The following MKLN1 variants were observed in gnomAD, a reference collection of about 807,000 sequenced individuals.
The protein encoded by MKLN1 is muskelin 1, also known as muskelin.
In MKLN1, 18 loss-of-function variants were observed where a neutral mutation model predicts 99.0. The ratio of observed to expected loss-of-function variants is 0.18; its 90% CI spans 0.13 to 0.27. The LOEUF is 0.27. Ranked by LOEUF, MKLN1 falls within the 10% of genes least tolerant of loss-of-function variation. The pLI is 1.00. For missense variants in MKLN1, 621 were observed against 875.9 expected, an observed-to-expected ratio of 0.71 and a Z score of 3.67; for synonymous variants, 288 against 293.2, an observed-to-expected ratio of 0.98 and a Z score of 0.18.
At chr7:131,458,999 A>C (rs1010481321) in intron 12 of MKLN1, among the ~76,000 whole-genome samples, 1 of 152,250 alleles carries the variant, frequency 6.6e-6, no homozygotes, top group Non-Finnish European at 1.5e-5. Flanking sequence ...TGATTTAATC[A>C]AAGTTTTACG....
chr7:131,182,867 A>C (rs965984485), intron 2 of MKLN1, among the ~76,000 whole-genome samples: 1 of 152,338 alleles, frequency 6.6e-6, no homozygotes, highest in South Asian at 2.1e-4. Flanking sequence ...GCAGCACAAG[A>C]AAGGCTCTGA....
intron 1 of MKLN1, among the ~76,000 whole-genome samples, chr7:131,333,459 C>G (rs889079625): frequency 6.6e-6 from 1 of 151,934 alleles, no homozygotes; most frequent in African/African-American, 2.4e-5. Flanking sequence ...GACATTTAGG[C>G]TTTGTGGTTT....
intron 2 of MKLN1, among the ~76,000 whole-genome samples, chr7:131,170,074 G>A (rs1472243715): frequency 1.3e-5 from 2 of 152,126 alleles, no homozygotes; most frequent in Admixed American, 1.3e-4. Context: ...TAACACAGCA[G>A]ACCCTATCTT....
At chr7:131,145,073 T>TC (rs952864844) in intron 2 of MKLN1, among the ~76,000 whole-genome samples, 1 of 152,134 alleles carries the variant, frequency 6.6e-6, no homozygotes, top group Non-Finnish European at 1.5e-5. Flanking sequence ...ATCTGCTTTT[T>TC]CCCCGAACAC....
At chr7:131,172,599 G>A (rs1584807336) in intron 2 of MKLN1, among the ~76,000 whole-genome samples, 1 of 152,178 alleles carries the variant, frequency 6.6e-6, no homozygotes. Context: ...ACAGGCGTGA[G>A]CCACCGTGCC....
At chr7:131,287,016 C>T (rs916589378) in intron 3 of MKLN1, among the ~76,000 whole-genome samples, 11 of 152,250 alleles carry the variant, frequency 7.2e-5, no homozygotes, top group Admixed American at 4.6e-4. Context: ...ATGGGAGGAT[C>T]GATTGAGCCC....
chr7:131,338,255 G>C (rs1260877978), intron 1 of MKLN1, among the ~76,000 whole-genome samples: 1 of 152,180 alleles, frequency 6.6e-6, no homozygotes, highest in African/African-American at 2.4e-5. Flanking sequence ...TGTCACATTT[G>C]TTCTTCTGTG....
intron 1 of MKLN1, among the ~76,000 whole-genome samples, chr7:131,118,576 A>AAAAG (rs1795314017): frequency 1.2e-4 from 18 of 151,968 alleles, no homozygotes; most frequent in Admixed American, 1.2e-3. Context: ...AGAAAGAAAG[A>AAAAG]AAAGAAAGAA....
chr7:131,420,867 T>G (rs531223030), intron 8 of MKLN1, among the ~76,000 whole-genome samples: 1 of 152,336 alleles, frequency 6.6e-6, no homozygotes, highest in Non-Finnish European at 1.5e-5. Context: ...GTTTTAAAAT[T>G]CATTTTCCTT....
At chr7:131,253,586 G>A (rs1251178228) in intron 3 of MKLN1, among the ~76,000 whole-genome samples, 1 of 152,122 alleles carries the variant, frequency 6.6e-6, no homozygotes, top group Non-Finnish European at 1.5e-5. Flanking sequence ...AGAGACCACT[G>A]CCCACACCCA....
At chr7:131,281,934 G>A (rs925616088) in intron 3 of MKLN1, among the ~76,000 whole-genome samples, 2 of 152,018 alleles carry the variant, frequency 1.3e-5, no homozygotes, top group Non-Finnish European at 2.9e-5. Flanking sequence ...CAGCCTCCCA[G>A]AGTGCTGGGA....
At chr7:131,138,524 C>A (rs1406090282) in intron 1 of MKLN1, among the ~76,000 whole-genome samples, 3 of 152,062 alleles carry the variant, frequency 2.0e-5, no homozygotes, top group African/African-American at 4.8e-5. Flanking sequence ...AGTGTTGTTA[C>A]TGTAAATTAG....
At chr7:131,275,567 A>ATATAT (rs1336398554) in intron 3 of MKLN1, among the ~76,000 whole-genome samples, 1 of 5,618 alleles carries the variant, frequency 1.8e-4, no homozygotes, top group African/African-American at 4.0e-4. Flanking sequence ...ATATATATAT[A>ATATAT]TTTTTTTTTT....
intron 3 of MKLN1, among the ~76,000 whole-genome samples, chr7:131,252,928 A>G (rs1388373194): frequency 6.6e-6 from 1 of 152,164 alleles, no homozygotes; most frequent in Non-Finnish European, 1.5e-5. Flanking sequence ...TGATTTTTCA[A>G]CCAACCTTGG....
intron 3 of MKLN1, among the ~76,000 whole-genome samples, chr7:131,317,852 G>C (rs996164209): frequency 6.7e-6 from 1 of 149,942 alleles, no homozygotes; most frequent in Non-Finnish European, 1.5e-5. Flanking sequence ...AAAAAGACAA[G>C]GGCATTACAG....
chr7:131,403,131 C>G (rs1440449209), intron 6 of MKLN1, among the ~76,000 whole-genome samples: 2 of 152,098 alleles, frequency 1.3e-5, no homozygotes, highest in Non-Finnish European at 2.9e-5. Flanking sequence ...AGTATAGTTA[C>G]CTTCATCAGT....
At chr7:131,458,018 T>G (rs899492824) in intron 12 of MKLN1, among the ~76,000 whole-genome samples, 3 of 152,148 alleles carry the variant, frequency 2.0e-5, no homozygotes, top group African/African-American at 7.2e-5. Flanking sequence ...GCTCATAGTG[T>G]ACCAAATAGA....
chr7:131,228,990 G>A (rs1420566650), intron 3 of MKLN1, among the ~76,000 whole-genome samples: 1 of 152,172 alleles, frequency 6.6e-6, no homozygotes, highest in Non-Finnish European at 1.5e-5. Flanking sequence ...GTCCTAAGGT[G>A]GTCAGGTTAT....
chr7:131,433,054 C>T (rs373865549), intron 9 of MKLN1, among the ~76,000 whole-genome samples: 2 of 152,142 alleles, frequency 1.3e-5, no homozygotes, highest in East Asian at 3.9e-4. Flanking sequence ...AATAATGCCC[C>T]AGTAATGTTT....
Sources: allele counts gnomAD v4.1 joint callset (sites outside exome capture counted in the v4.1 genomes callset), GRCh38; gene constraint gnomAD v4.1.1; transcripts MANE v1.5; gene names NCBI Gene and HGNC (gene_info 2026-07-23, HGNC 2026-07-21).